Variants in COL23A1 observed in about 807,000 individuals in gnomAD.
COL23A1 encodes collagen alpha-1(XXIII) chain.
In COL23A1, 97 loss-of-function variants were observed where a neutral mutation model predicts 99.3. The ratio of observed to expected loss-of-function variants is 0.98; its 90% CI spans 0.83 to 1.16. The LOEUF is 1.16. COL23A1 is among the 50% of genes most tolerant of loss of function. The pLI is 0.00. For missense variants in COL23A1, 762 were observed against 757.4 expected, an observed-to-expected ratio of 1.01 and a Z score of -0.07; for synonymous variants, 320 against 308.2, an observed-to-expected ratio of 1.04 and a Z score of -0.40.
chr5:178,281,083 C>T lies in COL23A1; in HGVS notation c.441+7241G>A, dbSNP rs1277200167. Among the ~76,000 whole-genome samples the T allele has an allele frequency of 6.6e-6, 1 of 152,120 alleles. No homozygotes were observed. The highest frequency in any genetic ancestry group is 2.1e-4 in the South Asian group (1 of 4,828). On this transcript the variant is annotated intron_variant, in intron 5 of 28. Coordinates refer to ENST00000390654, the MANE Select transcript of COL23A1 (RefSeq NM_173465.4). This position sits in a 1 kb window ranked among gnomAD's most constrained non-coding sequence, Gnocchi z 4.0. ...TCTCCCTGAGGTTCCAGTCTGCGTG[C>T]CATTATCAGGGACTCCGGAGTCGGC...
At chr5:178,264,049 G>C (rs749996677) in intron 8 of COL23A1, among the ~76,000 whole-genome samples, 8 of 152,198 alleles carry the variant, frequency 5.3e-5, no homozygotes, top group Non-Finnish European at 1.2e-4. Context: ...CCAGGCGTTA[G>C]GGATGGGGGG....
At chr5:178,585,422 AG>A (rs1763892839) in intron 1 of COL23A1, among the ~76,000 whole-genome samples, 1 of 146,022 alleles carries the variant, frequency 6.8e-6, no homozygotes, top group Non-Finnish European at 1.5e-5. Flanking sequence ...AACACTCCAC[AG>A]CCCTGGTTGA....
chr5:178,254,130 G>A (rs1361332709), intron 16 of COL23A1, among the ~76,000 whole-genome samples: 8 of 152,106 alleles, frequency 5.3e-5, no homozygotes, highest in African/African-American at 1.9e-4. Flanking sequence ...CACCCAGCCT[G>A]GGCGACAAGA....
At position 178,433,407 on chromosome 5, in the gene COL23A1, T is replaced by C. The variant is rs370966614; in HGVS notation, c.362-126488A>G. Among the ~76,000 whole-genome samples, 29 of 152,344 alleles carry C rather than the reference T, an allele frequency of 1.9e-4. No homozygotes were observed. The East Asian group carries it at 3.1e-3, about 16-fold the overall frequency. The stretch of plus-strand genomic sequence containing the variant: ...GAGGCAGGAGCTTCTTCTGTCCCTG[T>C]GGAGTTGGGGTGGGGTCGCCACCCT... On this transcript the variant is annotated intron_variant, in intron 2 of 28. Transcript: ENST00000390654.
At chr5:178,456,803 C>T (rs757327524) in intron 2 of COL23A1, among the ~76,000 whole-genome samples, 24 of 152,062 alleles carry the variant, frequency 1.6e-4, no homozygotes, top group Admixed American at 2.0e-4. Flanking sequence ...TTGCAACAAA[C>T]GTAACGAAGG....
chr5:178,333,262 T>C (rs1760137270), intron 2 of COL23A1, among the ~76,000 whole-genome samples: 1 of 152,180 alleles, frequency 6.6e-6, no homozygotes, highest in Non-Finnish European at 1.5e-5. Context: ...GGCCGACTCA[T>C]GTTTTAAAAA....
At chr5:178,566,353 G>A (rs1762841716) in intron 1 of COL23A1, among the ~76,000 whole-genome samples, 1 of 152,192 alleles carries the variant, frequency 6.6e-6, no homozygotes, top group Admixed American at 6.5e-5. Flanking sequence ...CCATCCCAAA[G>A]AGTGACCTGT....
At chr5:178,488,903 G>A (rs919301747) in intron 2 of COL23A1, among the ~76,000 whole-genome samples, 21 of 152,236 alleles carry the variant, frequency 1.4e-4, no homozygotes, top group African/African-American at 4.8e-4. Context: ...AAACACAGGA[G>A]CAGTCGCTGA....
chr5:178,369,671 C>T (rs1018228300), intron 2 of COL23A1, among the ~76,000 whole-genome samples: 1 of 152,150 alleles, frequency 6.6e-6, no homozygotes, highest in Non-Finnish European at 1.5e-5. Flanking sequence ...CCTGCACACG[C>T]TCCTCTCTCT....
At chr5:178,560,999 C>T (rs543348116) in intron 1 of COL23A1, among the ~76,000 whole-genome samples, 5 of 152,306 alleles carry the variant, frequency 3.3e-5, no homozygotes, top group Admixed American at 6.5e-5. Flanking sequence ...TTTGTTACAG[C>T]ATTTTCAAAT....
intron 2 of COL23A1, among the ~76,000 whole-genome samples, chr5:178,523,163 C>CACATATATAT (rs1370406285): frequency 1.2e-4 from 11 of 95,566 alleles, no homozygotes; most frequent in African/African-American, 4.4e-4. Context: ...TATATATATA[C>CACATATATAT]ATATATATAT....
At chr5:178,458,174 C>T (rs1723676290) in intron 2 of COL23A1, among the ~76,000 whole-genome samples, 1 of 152,294 alleles carries the variant, frequency 6.6e-6, no homozygotes, top group Non-Finnish European at 1.5e-5. Flanking sequence ...GACCTCACTT[C>T]TGGAGGATGC....
intron 2 of COL23A1, among the ~76,000 whole-genome samples, chr5:178,407,910 A>T (rs1033890573): frequency 6.6e-6 from 1 of 152,208 alleles, no homozygotes; most frequent in Admixed American, 6.5e-5. Flanking sequence ...GAGTGAGACT[A>T]AAAAAGTATT....
At chr5:178,483,347 C>G (rs1757441824) in intron 2 of COL23A1, among the ~76,000 whole-genome samples, 1 of 152,080 alleles carries the variant, frequency 6.6e-6, no homozygotes, top group Non-Finnish European at 1.5e-5. Flanking sequence ...TGGTAGGAAT[C>G]TTGGTGCTAG....
At chr5:178,275,018 G>C (rs951317811) in intron 5 of COL23A1, among the ~76,000 whole-genome samples, 1 of 152,144 alleles carries the variant, frequency 6.6e-6, no homozygotes, top group Non-Finnish European at 1.5e-5. Flanking sequence ...CAAAGCTCTG[G>C]GCTGCACATG....
chr5:178,240,481 C>T (rs1411994285), intron 27 of COL23A1, among the ~76,000 whole-genome samples: 2 of 152,212 alleles, frequency 1.3e-5, no homozygotes, highest in Non-Finnish European at 2.9e-5. Context: ...GGCCCATTGC[C>T]CCTCGCAGGG....
At chr5:178,252,959 C>A (rs1765113730) in intron 16 of COL23A1, among the ~76,000 whole-genome samples, 1 of 152,184 alleles carries the variant, frequency 6.6e-6, no homozygotes, top group East Asian at 1.9e-4. Context: ...GCATTCAAGG[C>A]CTGCCAAGAA....
At chr5:178,413,203 T>C (rs1765137537) in intron 2 of COL23A1, among the ~76,000 whole-genome samples, 1 of 152,144 alleles carries the variant, frequency 6.6e-6, no homozygotes, top group African/African-American at 2.4e-5. Context: ...ACAAATTCTG[T>C]AGGCACAGTT....
intron 2 of COL23A1, among the ~76,000 whole-genome samples, chr5:178,349,586 C>T (rs919034296): frequency 6.7e-6 from 1 of 149,438 alleles, no homozygotes; most frequent in Non-Finnish European, 1.5e-5. Flanking sequence ...CGCTTCCTGC[C>T]TCACCTTTCC....
Sources: allele counts gnomAD v4.1 joint callset (sites outside exome capture counted in the v4.1 genomes callset), GRCh38; gene constraint gnomAD v4.1.1; non-coding constraint Gnocchi (gnomAD v3.1); transcripts MANE v1.5; gene names NCBI Gene and HGNC (gene_info 2026-07-23, HGNC 2026-07-21).